PDZD2: variants seen among roughly 807,000 people sequenced by gnomAD.
PDZD2 encodes PDZ domain containing 2.
PDZD2 carries 90 observed loss-of-function variants against 220.7 expected under a neutral mutation model. That is an observed-to-expected ratio of 0.41 (90% CI 0.34 to 0.49). PDZD2 has a LOEUF of 0.49. Among genes scored for constraint, PDZD2 ranks in the 20% least tolerant of loss-of-function variants. The pLI is 0.28. For missense variants in PDZD2, 3,174 were observed against 3,608.5 expected (o/e 0.88, Z 3.08); for synonymous variants, 1,375 against 1,450.5 (o/e 0.95, Z 1.18).
At chr5:31,756,511 A>G (rs1288247764) in intron 1 of PDZD2, among the ~76,000 whole-genome samples, 1 of 152,222 alleles carries the variant, frequency 6.6e-6, no homozygotes, top group Non-Finnish European at 1.5e-5. Flanking sequence ...TCCTGTGGCC[A>G]CTGTGGGCCT....
In PDZD2 at chr5:31,652,147, T is replaced by TG. The variant is rs1554059633; in HGVS notation, c.-361+12710_-361+12711insG. 2.0e-5 allele frequency among the ~76,000 whole-genome samples: 3 copies of TG among 147,396 alleles called. No homozygotes were observed. In the South Asian group the frequency reaches 6.6e-4, roughly 33 times the overall value. ...CGTCTGGCCTGGGTTTTTTTTTGTT[T>TG]TTTGTTTGTTTGTTTGTTTGTTTGT... On this transcript the variant is annotated intron_variant, in intron 1 of 24. Coordinates refer to ENST00000438447, the MANE Select transcript of PDZD2 (RefSeq NM_178140.4).
chr5:32,084,411 T>TC (rs1285168265), intron 19 of PDZD2, among the ~76,000 whole-genome samples: 2 of 152,220 alleles, frequency 1.3e-5, no homozygotes, highest in Admixed American at 6.5e-5. Context: ...ATGCAGATGG[T>TC]CACAGGACAT....
intron 1 of PDZD2, among the ~76,000 whole-genome samples, chr5:31,771,808 G>A (rs1752353546): frequency 6.6e-6 from 1 of 152,168 alleles, no homozygotes; most frequent in Non-Finnish European, 1.5e-5. Context: ...TAGTTAGTGG[G>A]CAGGCCTGGC....
At chr5:31,916,330 A>G (rs2150374137) in intron 2 of PDZD2, among the ~76,000 whole-genome samples, 1 of 152,270 alleles carries the variant, frequency 6.6e-6, no homozygotes, top group East Asian at 1.9e-4. Context: ...CTTCAGTTGC[A>G]TTGCGTAGAG....
At chr5:31,856,388 A>G (rs1758447651) in intron 2 of PDZD2, among the ~76,000 whole-genome samples, 1 of 152,172 alleles carries the variant, frequency 6.6e-6, no homozygotes, top group Admixed American at 6.5e-5. Flanking sequence ...GTCTTAAGGA[A>G]GAAAAAGAGT....
intron 2 of PDZD2, among the ~76,000 whole-genome samples, chr5:31,970,348 C>T (rs919628210): frequency 2.0e-5 from 3 of 152,044 alleles, no homozygotes; most frequent in Non-Finnish European, 4.4e-5. Flanking sequence ...TAAAGAGCGA[C>T]AAGAGTGACA....
chr5:31,708,381 C>T (rs1383834048), intron 1 of PDZD2, among the ~76,000 whole-genome samples: 2 of 152,228 alleles, frequency 1.3e-5, no homozygotes, highest in South Asian at 2.1e-4. Context: ...AGAGGGGCCA[C>T]GTGGCAGGAG....
chr5:31,724,187 C>A (rs1316959062), intron 1 of PDZD2, among the ~76,000 whole-genome samples: 1 of 152,130 alleles, frequency 6.6e-6, no homozygotes, highest in East Asian at 1.9e-4. Flanking sequence ...CCTTACAATC[C>A]TTTTGGCCAT....
intron 1 of PDZD2, among the ~76,000 whole-genome samples, chr5:31,751,989 T>C (rs1027461091): frequency 2.0e-5 from 3 of 151,976 alleles, no homozygotes; most frequent in African/African-American, 7.3e-5. Context: ...TCTGCCTTTG[T>C]ACATACTCTC....
At chr5:32,084,423 C>G (rs1279095520) in intron 19 of PDZD2, among the ~76,000 whole-genome samples, 2 of 152,204 alleles carry the variant, frequency 1.3e-5, no homozygotes, top group Non-Finnish European at 2.9e-5. Flanking sequence ...ACAGGACATA[C>G]CTCAGTGTTA....
intron 7 of PDZD2, among the ~76,000 whole-genome samples, chr5:32,041,965 C>T (rs1756207090): frequency 6.7e-6 from 1 of 148,470 alleles, no homozygotes; most frequent in Non-Finnish European, 1.5e-5. Context: ...CCTGTAATCC[C>T]AGCACTTTGG....
At chr5:31,899,169 C>T (rs1351368060) in intron 2 of PDZD2, among the ~76,000 whole-genome samples, 4 of 151,956 alleles carry the variant, frequency 2.6e-5, no homozygotes, top group Non-Finnish European at 5.9e-5. Flanking sequence ...CTCTGTCGCC[C>T]AGGCTGGAGC....
chr5:31,773,532 T>C (rs1316800888), intron 1 of PDZD2, among the ~76,000 whole-genome samples: 5 of 150,976 alleles, frequency 3.3e-5, no homozygotes. Flanking sequence ...ATGTCTATAG[T>C]CCCAGCTACT....
chr5:31,686,418 G>A (rs1278975653), intron 1 of PDZD2, among the ~76,000 whole-genome samples: 1 of 151,750 alleles, frequency 6.6e-6, no homozygotes, highest in Non-Finnish European at 1.5e-5. Flanking sequence ...AGGCTGGAGG[G>A]CAATGGCGTG....
chr5:31,796,481 C>T (rs1362293135), intron 1 of PDZD2, among the ~76,000 whole-genome samples: 2 of 152,024 alleles, frequency 1.3e-5, no homozygotes, highest in East Asian at 3.9e-4. Flanking sequence ...TTCAAAAGTT[C>T]GTTAGTTCAA....
intron 5 of PDZD2, among the ~76,000 whole-genome samples, chr5:32,002,943 ACACACACACAC>A (rs1391082613): frequency 6.3e-4 from 55 of 87,274 alleles, no homozygotes; most frequent in Admixed American, 1.7e-3. Context: ...CACACCACGA[ACACACACACAC>A]CACACACACA....
chr5:32,058,197 A>G, intron 12 of PDZD2, 94 bp downstream of exon 12: 2 of 715,276 alleles, frequency 2.8e-6, no homozygotes, highest in Non-Finnish European at 4.9e-6. Flanking sequence ...TCTATGAATT[A>G]TTCCTTTGGT....
chr5:31,785,327 T>C (rs992699227), intron 1 of PDZD2, among the ~76,000 whole-genome samples: 1 of 150,980 alleles, frequency 6.6e-6, no homozygotes, highest in African/African-American at 2.4e-5. Flanking sequence ...TTGTGGCACC[T>C]CCCTGGCAGT....
At chr5:31,852,516 C>A (rs1758119435) in intron 2 of PDZD2, among the ~76,000 whole-genome samples, 1 of 151,854 alleles carries the variant, frequency 6.6e-6, no homozygotes, top group Admixed American at 6.6e-5. Flanking sequence ...AAACTTCTGA[C>A]CTCAAGTGAT....
Sources: allele counts gnomAD v4.1 joint callset (sites outside exome capture counted in the v4.1 genomes callset), GRCh38; gene constraint gnomAD v4.1.1; transcripts MANE v1.5; gene names NCBI Gene and HGNC (gene_info 2026-07-23, HGNC 2026-07-21).